The following NEB variants were observed in gnomAD, a reference collection of about 807,000 sequenced individuals.
The protein encoded by NEB is nebulin.
NEB carries 512 observed loss-of-function variants against 952.2 expected under a neutral mutation model. The ratio of observed to expected loss-of-function variants is 0.54; its 90% confidence interval spans 0.50 to 0.58. The LOEUF (loss-of-function observed/expected upper bound fraction) is 0.58. Ranked by LOEUF, NEB falls within the 20% of genes least tolerant of loss-of-function variation. The pLI, the probability that NEB is intolerant of heterozygous loss-of-function variation, is 0.00. For synonymous variants in NEB, 2,900 were observed against 3,149.8 expected (o/e 0.92, Z 2.66); for missense variants, 8,428 against 9,231.1 (o/e 0.91, Z 3.56).
At chr2:151,699,986 T>G (rs1211543491) in intron 13 of NEB, among the ~76,000 whole-genome samples, 4 of 142,910 alleles carry the variant, frequency 2.8e-5, no homozygotes, top group African/African-American at 1.0e-4. Flanking sequence ...CTAGGGTTTT[T>G]ATGGTTTTAG....
intron 159 of NEB, among the ~76,000 whole-genome samples, chr2:151,514,007 A>G (rs542928634): frequency 5.4e-4 from 83 of 152,394 alleles, no homozygotes; most frequent in African/African-American, 2.0e-3. Flanking sequence ...CTAAGATTAC[A>G]CTTAGGTGCA....
chr2:151,693,732 A>T (rs1005871590), intron 20 of NEB, among the ~76,000 whole-genome samples: 2 of 152,156 alleles, frequency 1.3e-5, no homozygotes, highest in Admixed American at 6.5e-5. Context: ...ATATATATTT[A>T]TAATAGAATG....
At chr2:151,511,672 T>A (rs752127302) in intron 161 of NEB, among the ~76,000 whole-genome samples, 13 of 152,200 alleles carry the variant, frequency 8.5e-5, no homozygotes, top group Non-Finnish European at 1.6e-4. Flanking sequence ...CTCCTGACCA[T>A]CACTGACAAT....
At position 151,492,248 on chromosome 2, in the gene NEB, C is replaced by T; in HGVS notation, c.24907G>A (p.Gly8303Ser). The T allele has an allele frequency of 6.2e-7, 1 of 1,613,242 alleles. No individual in the cohort carries two copies. Among genetic ancestry groups the T allele is most frequent in the Non-Finnish European group, 8.5e-7 (1 of 1,179,620 alleles). Reference sequence around the variant, plus strand: ...TCTGTCACCACTGGTGTGAAGCAACCCTTGTGTTTCTCAAAGTCTTCATGA... The same window carrying T: ...TCTGTCACCACTGGTGTGAAGCAACTCTTGTGTTTCTCAAAGTCTTCATGA... ...KYHEDFEKHK[G>S]CFTPVVTDPI... Residue 8303 changes from glycine to serine, a missense_variant, in exon 178 of 182, where the codon GGT becomes AGT. By Grantham distance (56) the Gly-to-Ser change is moderately conservative. Transcript: ENST00000397345.
chr2:151,640,276 T>C (rs1574806897), intron 61 of NEB, 79 bp downstream of exon 61: 1 of 1,566,746 alleles, frequency 6.4e-7, no homozygotes, highest in Non-Finnish European at 8.7e-7. Context: ...GGTGAGCTTG[T>C]GCCATATATT....
chr2:151,632,315 CAA>C (rs201218741), intron 65 of NEB, among the ~76,000 whole-genome samples: 1 of 128,936 alleles, frequency 7.8e-6, no homozygotes, highest in Non-Finnish European at 1.7e-5. Context: ...GTAGTCTAGA[CAA>C]AAAAAAAAAA....
chr2:151,663,655 C>T lies in NEB; in HGVS notation c.5656G>A (p.Glu1886Lys), dbSNP rs746761562. The change falls in exon 45 of 182, where the codon GAA (glutamate) becomes AAA (lysine). Residue 1886 changes from glutamate (E) to lysine (K), a missense_variant. Around this residue, in one of 11 missense-constraint regions of NEB, gnomAD observed 2,851 missense variants for 2,791.5 expected, o/e 1.02. Coordinates refer to ENST00000397345, the MANE Select transcript of NEB (RefSeq NM_001164508.2). ...LSVVAAKKSQ[E>K]VATNANYRNV... The stretch of plus-strand genomic sequence containing the variant: ...CTGTAGTTGGCATTGGTGGCCACTT[C>T]CTGAGACTTCTTGGCTGCCACCACA... The T allele has an allele frequency of 2.4e-5, 39 of 1,613,690 alleles. No homozygotes were observed. The highest frequency in any genetic ancestry group is 3.1e-5 in the Non-Finnish European group (37 of 1,179,788).
At chr2:151,494,116 G>C in intron 174 of NEB, 45 bp downstream of exon 174, 3 of 1,495,408 alleles carry the variant, frequency 2.0e-6, no homozygotes, top group Non-Finnish European at 2.8e-6. Context: ...AACTGCAAGA[G>C]TTATTTTGCA....
rs374656230 is a variant in NEB, at chr2:151,497,661, C to T, written c.24265G>A (p.Glu8089Lys). The T allele has an allele frequency of 1.5e-5, 24 of 1,584,638 alleles. No individual in the cohort carries two copies. The highest frequency in any genetic ancestry group is 2.1e-5 in the Non-Finnish European group (24 of 1,163,104). The change falls in exon 171 of 182, where the codon GAA becomes AAA. Residue 8089 changes from glutamate to lysine, a missense_variant. Around this residue, in one of 11 missense-constraint regions of NEB, gnomAD observed 3,374 missense variants for 3,651.5 expected, o/e 0.92. Coordinates refer to ENST00000397345, the MANE Select transcript of NEB (RefSeq NM_001164508.2). Reference protein sequence around the residue: ...GTPLPVTPEMERVKHNQENIS... With the variant: ...GTPLPVTPEMKRVKHNQENIS... ...TTTTCTTGATTGTGTTTGACTCTTTCCATCTCGGGAGTGACAGGTAAAGGG... is the reference window on the plus strand; with the variant it reads ...TTTTCTTGATTGTGTTTGACTCTTTTCATCTCGGGAGTGACAGGTAAAGGG...
chr2:151,540,494 C>T lies in NEB; in HGVS notation c.20788-46G>A, dbSNP rs555729045. On this transcript the variant is annotated intron_variant, in intron 137 of 181. Coordinates refer to ENST00000397345, the MANE Select transcript of NEB (RefSeq NM_001164508.2). ...AGAGAGACAAGCTTAAGTGTCTTCC[C>T]AATTTCCAACCAAGCCACCTACAGG... The T allele has an allele frequency of 3.2e-5, 46 of 1,428,680 alleles. No individual in the cohort carries two copies. In the East Asian group the frequency reaches 1.1e-3, roughly 35 times the overall value. The allele number at this position is 1,428,680 out of a possible 1,614,324, so 88.5% of individuals were successfully genotyped here. A position where few individuals can be genotyped will look rare whatever the true frequency, so the allele number is the denominator to read the frequency against.
At chr2:151,565,911 A>C in intron 114 of NEB, 91 bp from the exon 115 acceptor site, 1 of 786,660 alleles carries the variant, frequency 1.3e-6, no homozygotes, top group Non-Finnish European at 2.0e-6. Context: ...GAAGCTTTTA[A>C]AGGATTTCTC....
chr2:151,494,281 C>A (rs1172693025), intron 173 of NEB, 28 bp from the exon 174 acceptor site: 10 of 1,466,138 alleles, frequency 6.8e-6, no homozygotes, highest in Admixed American at 2.1e-5. Flanking sequence ...GTCCAAAAAG[C>A]CAAAAAGAAA....
rs1413975585 is a variant in NEB at position 151,554,976 on chromosome 2, AT to A, written c.19382del (p.Asp6461ValfsTer28). On this transcript the variant is annotated frameshift_variant, in exon 125 of 182. Transcript: ENST00000397345. LOFTEE classifies it high-confidence loss of function. ...CTCGGAGGCACCGTGCTGTGTTCGG[AT>A]CATCGTCAACACTTCTTGGTAACGT... ...LYTLPRSVDD[D>X]PNTARCLRVG... 1.9e-6 allele frequency: 3 copies of A among 1,613,772 alleles called. No individual in the cohort carries two copies. The African/African-American group carries it at 4.0e-5, about 22-fold the overall frequency.
chr2:151,646,305 A>C, intron 54 of NEB, 71 bp from the exon 55 acceptor site: 1 of 1,113,962 alleles, frequency 9.0e-7, no homozygotes, highest in Non-Finnish European at 1.3e-6. Flanking sequence ...CTTCAAACAG[A>C]ATTGCTGAAT....
chr2:151,704,590 A>T (rs1016360878), intron 13 of NEB, among the ~76,000 whole-genome samples: 2 of 152,102 alleles, frequency 1.3e-5, no homozygotes, highest in Admixed American at 6.5e-5. Flanking sequence ...CGGTCAGAAA[A>T]GCGCAATATT....
chr2:151,568,102 T>C lies in NEB; in HGVS notation c.17813A>G (p.His5938Arg). 6.2e-7 allele frequency: 1 copy of C among 1,613,670 alleles called. No individual in the cohort carries two copies. Among genetic ancestry groups the C allele is most frequent in the African/African-American group, 1.3e-5 (1 of 75,032 alleles). Reference protein sequence around the residue: ...ILPPDAVPFVHAHHCNDVQSE... With the variant: ...ILPPDAVPFVRAHHCNDVQSE... Reference sequence around the variant, plus strand: ...CTGAACGTCATTGCAGTGATGGGCATGAACAAATGGCACAGCATCTGGAGG... The same window carrying C: ...CTGAACGTCATTGCAGTGATGGGCACGAACAAATGGCACAGCATCTGGAGG... Residue 5938 changes from histidine to arginine, a missense_variant, in exon 113 of 182, where the codon CAT becomes CGT. By Grantham distance (29) the His-to-Arg change is conservative (BLOSUM62 0). Coordinates refer to ENST00000397345, the MANE Select transcript of NEB (RefSeq NM_001164508.2).
chr2:151,485,824 T>C lies in NEB; in HGVS notation c.25514A>G (p.Tyr8505Cys). 1 of 1,614,114 alleles carries C rather than the reference T, an allele frequency of 6.2e-7. No individual in the cohort carries two copies. Among genetic ancestry groups the C allele is most frequent in the East Asian group, 2.2e-5 (1 of 44,890 alleles). The part of the protein sequence containing the change: ...NVQAIDEGWM[Y>C]GTVQRTGRTG... ...CCTGCCAGTCCTCTGCACAGTGCCA[T>C]ACATCCAGCCTTCATCAATTGCTTG... The change falls in exon 182 of 182, where the codon TAT (tyrosine) becomes TGT (cysteine). Residue 8505 changes from tyrosine (Y) to cysteine (C), a missense_variant. This residue lies in a region of NEB where 3,374 missense variants were observed against 3,651.5 expected (regional missense o/e 0.92). Transcript: ENST00000397345.
chr2:151,709,863 C>T (rs2099738994), intron 11 of NEB, 100 bp from the exon 12 acceptor site: 1 of 847,788 alleles, frequency 1.2e-6, no homozygotes, highest in Admixed American at 2.2e-5. Context: ...CACAATGCCA[C>T]CCTGTCCTTG....
In NEB at chr2:151,501,466, G is replaced by A; in HGVS notation, c.23946C>T (p.Asn7982=). The part of the protein sequence containing the change: ...ENFSSILYKE[N]LSKGTPLPVT... ...CAGGTAGGGGAGTCCCCTTGCTCAA[G>A]TTCTCTTTGTACAATATCTGTGTGC... is the stretch of plus-strand genomic sequence containing the variant. The change falls in exon 168 of 182, where the codon AAC becomes AAT. Residue 7982 remains asparagine (N), a synonymous_variant. Transcript: ENST00000397345. 6.6e-7 allele frequency: 1 copy of A among 1,525,874 alleles called. No homozygotes were observed. The highest frequency in any genetic ancestry group is 8.8e-7 in the Non-Finnish European group (1 of 1,133,196). 94.5% of individuals were successfully genotyped at this position (1,525,874 alleles called of 1,614,324 possible).
Sources: allele counts gnomAD v4.1 joint callset (sites outside exome capture counted in the v4.1 genomes callset), GRCh38; gene constraint gnomAD v4.1.1; regional missense constraint gnomAD v4.1.1; transcripts MANE v1.5; gene names NCBI Gene and HGNC (gene_info 2026-07-23, HGNC 2026-07-21).